The following TMOD1 variants were observed in gnomAD, a reference collection of about 807,000 sequenced individuals.
TMOD1 encodes the protein tropomodulin-1.
In TMOD1, 17 loss-of-function variants were observed where a neutral mutation model predicts 40.6. The observed-to-expected ratio is 0.42, with a 90% confidence interval of 0.29 to 0.63. The LOEUF is 0.63. Among genes scored for constraint, TMOD1 ranks in the 20% least tolerant of loss-of-function variants. TMOD1 has a pLI of 0.22. For synonymous variants in TMOD1, 181 were observed against 175.0 expected (o/e 1.03, Z -0.27); for missense variants, 391 against 447.6 (o/e 0.87, Z 1.14).
rs940036214 is a variant in TMOD1, at chr9:97,600,186, C to T, written c.*488C>T. 7 of 994,870 alleles carry T rather than the reference C, an allele frequency of 7.0e-6. No individual in the cohort carries two copies. The highest frequency in any genetic ancestry group is 7.0e-5 in the African/African-American group (4 of 57,400). 61.6% of individuals were successfully genotyped at this position (994,870 alleles called of 1,614,324 possible). A position where few individuals can be genotyped will look rare whatever the true frequency, so the allele number is the denominator to read the frequency against. The stretch of plus-strand genomic sequence containing the variant: ...ACCCTCCTTGGAATTTTGAAAACCT[C>T]GATTAAAGTTGCCAAATTGATTACT... On this transcript the variant is annotated 3_prime_UTR_variant, in exon 10 of 10. Coordinates refer to ENST00000259365, the MANE Select transcript of TMOD1 (RefSeq NM_003275.4).
chr9:97,535,328 ACACTG>A (rs1257299812), intron 2 of TMOD1, among the ~76,000 whole-genome samples: 2 of 152,160 alleles, frequency 1.3e-5, no homozygotes, highest in Non-Finnish European at 2.9e-5. Flanking sequence ...ACATTTCGGA[ACACTG>A]CAGCCTCAGA....
chr9:97,530,641 C>T (rs1830082873), intron 2 of TMOD1, among the ~76,000 whole-genome samples: 1 of 152,058 alleles, frequency 6.6e-6, no homozygotes, highest in Non-Finnish European at 1.5e-5. Context: ...GCGCCCGCCA[C>T]CATGCCTGGC....
intron 2 of TMOD1, among the ~76,000 whole-genome samples, chr9:97,525,856 C>T (rs1001266667): frequency 6.6e-6 from 1 of 152,218 alleles, no homozygotes; most frequent in Non-Finnish European, 1.5e-5. Flanking sequence ...GTTGTGTCTC[C>T]TAGTGGAACT....
chr9:97,584,413 A>G (rs1490015001), intron 8 of TMOD1, among the ~76,000 whole-genome samples: 3 of 150,920 alleles, frequency 2.0e-5, no homozygotes, highest in Non-Finnish European at 4.5e-5. Flanking sequence ...GGAGAGCTTT[A>G]CTTCCCAGTA....
chr9:97,527,001 T>C (rs1830024803), intron 2 of TMOD1, among the ~76,000 whole-genome samples: 1 of 152,104 alleles, frequency 6.6e-6, no homozygotes, highest in South Asian at 2.1e-4. Flanking sequence ...ATATTCACGA[T>C]CTTCCCCTGC....
chr9:97,524,314 T>C lies in TMOD1; in HGVS notation c.120+6T>C. The C allele has an allele frequency of 1.2e-6, 2 of 1,613,518 alleles. No homozygotes were observed. The highest frequency in any genetic ancestry group is 1.7e-6 in the Non-Finnish European group (2 of 1,179,726). ...TGGATGAGCTGGACCCTGATGTGAG[T>C]AGGTGCTAAAGGGAAGCACATTGTC... On this transcript the variant is annotated splice_donor_region_variant and intron_variant, in intron 2 of 9. Transcript: ENST00000259365.
chr9:97,575,996 C>G (rs72751535), intron 8 of TMOD1, among the ~76,000 whole-genome samples: 2 of 152,104 alleles, frequency 1.3e-5, no homozygotes, highest in African/African-American at 4.8e-5. Context: ...AGGAATACCC[C>G]CTCCCTCCCC....
At position 97,557,896 on chromosome 9, in the gene TMOD1, C is replaced by A. The variant is rs1484464551; in HGVS notation, c.397+4496C>A. On this transcript the variant is annotated intron_variant, in intron 4 of 9. Coordinates refer to ENST00000259365, the MANE Select transcript of TMOD1 (RefSeq NM_003275.4). The surrounding 1 kb of genome is among the most constrained non-coding windows in gnomAD (Gnocchi z 4.4). Reference sequence around the variant, plus strand: ...AAAAAAAAAAAAAAATCAAGTTCCCCAGTGCTAAATTCAGCCTTGCCAATA... The same window carrying A: ...AAAAAAAAAAAAAAATCAAGTTCCCAAGTGCTAAATTCAGCCTTGCCAATA... 6.6e-6 allele frequency among the ~76,000 whole-genome samples: 1 copy of A among 152,026 alleles called. No homozygotes were observed.
intron 3 of TMOD1, among the ~76,000 whole-genome samples, chr9:97,551,032 T>A (rs1236057294): frequency 0.092 from 5,714 of 61,962 alleles, 237 homozygotes; most frequent in Middle Eastern, 0.17. Flanking sequence ...TTTTTTTTTT[T>A]TTTTTTTTTT....
chr9:97,513,858 CG>C lies in TMOD1; in HGVS notation c.-48-10280del, dbSNP rs796827348. On this transcript the variant is annotated intron_variant, in intron 1 of 9. Transcript: ENST00000259365. This position sits in a 1 kb window ranked among gnomAD's most constrained non-coding sequence, Gnocchi z 4.1. ...AGTGGCCCTAGTGTCCTCGAGACCCCGGGACTAGAAATTTCAATGGATTGGA... is the reference window on the plus strand; with the variant it reads ...AGTGGCCCTAGTGTCCTCGAGACCCCGGACTAGAAATTTCAATGGATTGGA... The C allele has an allele frequency of 3.9e-5, 6 of 152,268 alleles. No homozygotes were observed. The highest frequency in any genetic ancestry group is 1.4e-4 in the African/African-American group (6 of 41,532). The allele number at this position is 152,268 out of a possible 1,614,324, so 9.4% of individuals were successfully genotyped here.
At chr9:97,528,093 A>G (rs1830044674) in intron 2 of TMOD1, among the ~76,000 whole-genome samples, 1 of 152,170 alleles carries the variant, frequency 6.6e-6, no homozygotes, top group African/African-American at 2.4e-5. Flanking sequence ...CACCCGACAT[A>G]TCAGAGCATC....
intron 2 of TMOD1, among the ~76,000 whole-genome samples, chr9:97,529,427 G>A (rs527301891): frequency 1.4e-4 from 21 of 151,930 alleles, no homozygotes; most frequent in Non-Finnish European, 1.8e-4. Context: ...AAGGGGTGAC[G>A]TTTCTGGTTA....
intron 2 of TMOD1, among the ~76,000 whole-genome samples, chr9:97,532,074 C>G (rs1231746692): frequency 6.6e-6 from 1 of 152,202 alleles, no homozygotes; most frequent in Non-Finnish European, 1.5e-5. Context: ...AGGAAGCAGC[C>G]AAGTTTGGTC....
rs745605497 is a variant in TMOD1, at chr9:97,565,918, G to A, written c.689G>A (p.Ser230Asn). The change falls in exon 7 of 10, where the codon AGC becomes AAC. Residue 230 changes from serine (S) to asparagine (N), a missense_variant. Physicochemically the swap from Ser to Asn is conservative, Grantham distance 46 (BLOSUM62 1). Coordinates refer to ENST00000259365, the MANE Select transcript of TMOD1 (RefSeq NM_003275.4). ...LKENSYVKKF[S>N]IVGTRSNDPV... Reference sequence around the variant, plus strand: ...GAAAACTCATATGTGAAGAAGTTCAGCATCGTGGGGACACGGAGTAATGAC... The same window carrying A: ...GAAAACTCATATGTGAAGAAGTTCAACATCGTGGGGACACGGAGTAATGAC... 1.2e-6 allele frequency: 2 copies of A among 1,614,206 alleles called. No homozygotes were observed. The highest frequency in any genetic ancestry group is 1.7e-6 in the Non-Finnish European group (2 of 1,180,034).
At chr9:97,537,619 A>G (rs1386562492) in intron 2 of TMOD1, among the ~76,000 whole-genome samples, 1 of 152,212 alleles carries the variant, frequency 6.6e-6, no homozygotes, top group African/African-American at 2.4e-5. Context: ...CATCCGAGTT[A>G]TAATTCTACA....
At chr9:97,568,746 G>C (rs1482096948) in intron 7 of TMOD1, 148 bp from the exon 8 acceptor site, 3 of 901,808 alleles carry the variant, frequency 3.3e-6, no homozygotes, top group Non-Finnish European at 5.1e-6. Context: ...TTGCAGGAGA[G>C]GAGAGACACA....
At chr9:97,533,335 C>T (rs897148267) in intron 2 of TMOD1, among the ~76,000 whole-genome samples, 1 of 152,200 alleles carries the variant, frequency 6.6e-6, no homozygotes, top group African/African-American at 2.4e-5. Flanking sequence ...CGTGGTGGTC[C>T]TTAATAAATG....
chr9:97,595,533 CTTTT>C (rs71487335), intron 9 of TMOD1, among the ~76,000 whole-genome samples: 1 of 121,682 alleles, frequency 8.2e-6, no homozygotes, highest in Non-Finnish European at 1.7e-5. Flanking sequence ...AACAAATTTC[CTTTT>C]TTTTTTTTTT....
chr9:97,531,043 C>CT (rs564046583), intron 2 of TMOD1, among the ~76,000 whole-genome samples: 1 of 138,540 alleles, frequency 7.2e-6, no homozygotes, highest in African/African-American at 2.6e-5. Context: ...ACCCACCCCC[C>CT]CCACCACCCC....
Sources: allele counts gnomAD v4.1 joint callset (sites outside exome capture counted in the v4.1 genomes callset), GRCh38; gene constraint gnomAD v4.1.1; non-coding constraint Gnocchi (gnomAD v3.1); transcripts MANE v1.5; gene names NCBI Gene and HGNC (gene_info 2026-07-23, HGNC 2026-07-21).